The following GOLGA3 variants were observed in gnomAD, a reference collection of about 807,000 sequenced individuals.
GOLGA3 encodes golgin A3.
Under a neutral mutation model 169.4 loss-of-function variants are expected in GOLGA3, and 75 were observed. The observed-to-expected ratio is 0.44, with a 90% CI of 0.37 to 0.54. GOLGA3 has a LOEUF of 0.54. Among genes scored for constraint, GOLGA3 ranks in the 20% least tolerant of loss-of-function variants. The pLI, the probability that GOLGA3 is intolerant of heterozygous loss-of-function variation, is 0.00. For synonymous variants in GOLGA3, 824 were observed against 822.4 expected (o/e 1.00, Z -0.03); for missense variants, 1,899 against 1,930.0 (o/e 0.98, Z 0.30).
rs144612495 is a variant in GOLGA3 at position 132,807,247 on chromosome 12, A to G, written c.1220T>C (p.Met407Thr). The change falls in exon 6 of 24, where the codon ATG becomes ACG. Residue 407 changes from methionine (M) to threonine (T), a missense_variant. Coordinates refer to ENST00000450791, the MANE Select transcript of GOLGA3 (RefSeq NM_001389683.1). ...CATTTTCTCTTTGAGCACCTGCAGC[A>G]TCTCCTCCTGTGTTTCTGCTGCAGA... ...ESSAAETQEE[M>T]LQVLKEKMRL... The G allele has an allele frequency of 5.6e-6, 9 of 1,598,240 alleles. No homozygotes were observed. The highest frequency in any genetic ancestry group is 7.7e-6 in the Non-Finnish European group (9 of 1,171,304).
At chr12:132,786,633 C>T in intron 14 of GOLGA3, 60 bp downstream of exon 14, 2 of 1,051,630 alleles carry the variant, frequency 1.9e-6, no homozygotes, top group Admixed American at 4.6e-5. Context: ...TTCGCCTCCC[C>T]CCCGGCCCCC....
At chr12:132,816,106 G>C (rs956008558) in intron 3 of GOLGA3, among the ~76,000 whole-genome samples, 1 of 152,238 alleles carries the variant, frequency 6.6e-6, no homozygotes, top group Admixed American at 6.5e-5. Context: ...GCCGAGGCAG[G>C]TGAATGGCAT....
intron 15 of GOLGA3, among the ~76,000 whole-genome samples, chr12:132,786,025 G>T (rs1013169648): frequency 6.6e-6 from 1 of 152,224 alleles, no homozygotes; most frequent in Non-Finnish European, 1.5e-5. Context: ...CAGCTGGAAC[G>T]CGAGCGGACC....
intron 22 of GOLGA3, 87 bp from the exon 23 acceptor site, chr12:132,774,407 CCCAACTGGTGGACGTGGGGCCTCT>C: frequency 6.8e-7 from 1 of 1,479,706 alleles, no homozygotes; most frequent in East Asian, 2.3e-5. Context: ...AACGGGCCTC[CCCAACTGGTGGACGTGGGGCCTCT>C]GGGAAGGGGA....
intron 23 of GOLGA3, 58 bp downstream of exon 23, chr12:132,774,099 G>A: frequency 6.9e-7 from 1 of 1,457,604 alleles, no homozygotes; most frequent in Non-Finnish European, 9.2e-7. Flanking sequence ...TGCCCTCCCA[G>A]GTAAGAGGGC....
At position 132,816,737 on chromosome 12, in the gene GOLGA3, C is replaced by T. The variant is rs2291256; in HGVS notation, c.209G>A (p.Gly70Glu). The T allele has an allele frequency of 0.079, 128,290 of 1,613,732 alleles. 5,619 individuals are homozygous for T. Among genetic ancestry groups the T allele is most frequent in the East Asian group, 0.14 (6,475 of 44,860 alleles). Residue 70 changes from glycine (G) to glutamate (E), a missense_variant, in exon 3 of 24, where the codon GGG (glycine) becomes GAG (glutamate). Gly to Glu is a moderately conservative substitution (Grantham distance 98). Coordinates refer to ENST00000450791, the MANE Select transcript of GOLGA3 (RefSeq NM_001389683.1). The stretch of plus-strand genomic sequence containing the variant: ...AGGGTCTGGGAAGGGTGGCGTTGGC[C>T]CGTTCTGACAGAGGCCTCCCTGGCC... Reference protein sequence around the residue: ...GPGQGGLCQNGPTPPFPDPPS... With the variant: ...GPGQGGLCQNEPTPPFPDPPS...
In GOLGA3 at chr12:132,789,223, G is replaced by A. The variant is rs1465269306; in HGVS notation, c.2615C>T (p.Thr872Ile). The stretch of plus-strand genomic sequence containing the variant: ...CAGCTCCGAGTCCAGCCTCTTCCTG[G>A]TGGCTTTCAGCTCACTGATGAGCTG... ...KDQLISELKA[T>I]RKRLDSELKE... The change falls in exon 13 of 24, where the codon ACC (threonine) becomes ATC (isoleucine). Residue 872 changes from threonine (T) to isoleucine (I), a missense_variant. Thr to Ile is a moderately conservative substitution (Grantham distance 89). Transcript: ENST00000450791. The A allele has an allele frequency of 6.2e-7, 1 of 1,609,574 alleles. No individual in the cohort carries two copies. Among genetic ancestry groups the A allele is most frequent in the East Asian group, 2.2e-5 (1 of 44,878 alleles).
rs932558800 is a variant in GOLGA3 at position 132,804,042 on chromosome 12, G to A, written c.1597+674C>T. On this transcript the variant is annotated intron_variant, in intron 7 of 23. Coordinates refer to ENST00000450791, the MANE Select transcript of GOLGA3 (RefSeq NM_001389683.1). The surrounding 1 kb of genome is among the most constrained non-coding windows in gnomAD (Gnocchi z 4.1). ...TGTGAGCTCTGGGACTGGCCCGGGC[G>A]GGGACTGAGGGGGTGGAAGGCGTGC... Among the ~76,000 whole-genome samples the A allele has an allele frequency of 3.9e-5, 6 of 152,182 alleles. No individual in the cohort carries two copies. The highest frequency in any genetic ancestry group is 1.4e-4 in the African/African-American group (6 of 41,452).
Position 132,822,274 on chromosome 12 carries a change from CA to C in GOLGA3, c.-147del. On this transcript the variant is annotated 5_prime_UTR_variant, in exon 2 of 24. The change abolishes the stop of an existing upstream ORF in the 5' untranslated region. Transcript: ENST00000450791. ...TTTCAGGAGAAGATCTGATGACTCA[CA>C]AATGACTTGATGTCAAACCAGCTAA... The C allele has an allele frequency of 7.2e-7, 1 of 1,393,160 alleles. No individual in the cohort carries two copies. The highest frequency in any genetic ancestry group is 1.6e-5 in the South Asian group (1 of 63,632). 86.3% of individuals were successfully genotyped at this position (1,393,160 alleles called of 1,614,324 possible).
rs367672810 is a variant in GOLGA3, at chr12:132,804,822, G to T, written c.1491C>A (p.Ser497Arg). The change falls in exon 7 of 24, where the codon AGC becomes AGA. Residue 497 changes from serine to arginine, a missense_variant. By Grantham distance (110) the Ser-to-Arg change is moderately radical (BLOSUM62 -1). Coordinates refer to ENST00000450791, the MANE Select transcript of GOLGA3 (RefSeq NM_001389683.1). This position sits in a 1 kb window ranked among gnomAD's most constrained non-coding sequence, Gnocchi z 4.1. The part of the protein sequence containing the change: ...LQNMLEAKNA[S>R]LASSNNDLQV... The stretch of plus-strand genomic sequence containing the variant: ...GCAAGTCGTTGTTGGACGACGCCAG[G>T]CTGGCATTTTTTGCCTCCAGCATGT... The T allele has an allele frequency of 4.4e-5, 71 of 1,614,078 alleles. No individual in the cohort carries two copies. The highest frequency in any genetic ancestry group is 5.5e-5 in the Non-Finnish European group (65 of 1,180,034).
chr12:132,806,083 A>G (rs555611504), intron 6 of GOLGA3, among the ~76,000 whole-genome samples: 2 of 152,320 alleles, frequency 1.3e-5, no homozygotes, highest in South Asian at 4.1e-4. Flanking sequence ...TGAGGCCTAC[A>G]GGGGCAGGGA....
In GOLGA3 at chr12:132,773,170, C is replaced by T. The variant is rs113568898; in HGVS notation, c.4432G>A (p.Gly1478Ser). 3.1e-4 allele frequency: 487 copies of T among 1,585,346 alleles called. No homozygotes were observed. The highest frequency in any genetic ancestry group is 2.3e-3 in the African/African-American group (174 of 74,136). ...ASPVPPGGHA[G>S]PRGDPQRHSQ... ...TGTCTCTGTGGGTCGCCGCGTGGGC[C>T]GGCGTGACCCCCCGGGGGCACAGGG... Residue 1478 changes from glycine to serine, a missense_variant, in exon 24 of 24, where the codon GGC (glycine) becomes AGC (serine). Gly to Ser is a moderately conservative substitution (Grantham distance 56). Transcript: ENST00000450791.
chr12:132,777,877 G>A lies in GOLGA3; in HGVS notation c.3583-72C>T. The stretch of plus-strand genomic sequence containing the variant: ...AGCTTTATGACGTGCCGGGCGCAGG[G>A]GGTGAATGCACTCCCGGCCCCGTGC... On this transcript the variant is annotated intron_variant, in intron 18 of 23. Coordinates refer to ENST00000450791, the MANE Select transcript of GOLGA3 (RefSeq NM_001389683.1). The surrounding 1 kb of genome is among the most constrained non-coding windows in gnomAD (Gnocchi z 4.7). The A allele has an allele frequency of 4.5e-6, 7 of 1,540,126 alleles. 1 individual carries two copies. In the South Asian group the frequency reaches 8.4e-5, roughly 18 times the overall value.
At chr12:132,817,245 C>G (rs72488129) in intron 2 of GOLGA3, among the ~76,000 whole-genome samples, 45 of 29,280 alleles carry the variant, frequency 1.5e-3, no homozygotes, top group South Asian at 6.1e-3. Flanking sequence ...CTAAGGTGAA[C>G]CCCCCCTCCA....
chr12:132,770,351 A>G lies in GOLGA3; in HGVS notation c.*2754T>C, dbSNP rs2044844986. ...GCACAAGCCGTGCATGAAAACACCA[A>G]AAGACTCACTGCAGGGAGCAAAGGC... On this transcript the variant is annotated 3_prime_UTR_variant, in exon 24 of 24. Transcript: ENST00000450791. 1 of 150,792 alleles carries G rather than the reference A, an allele frequency of 6.6e-6. No homozygotes were observed. The highest frequency in any genetic ancestry group is 1.5e-5 in the Non-Finnish European group (1 of 68,042). The allele number at this position is 150,792 out of a possible 1,614,324, so 9.3% of individuals were successfully genotyped here. A position where few individuals can be genotyped will look rare whatever the true frequency, so the allele number is the denominator to read the frequency against.
In GOLGA3 at chr12:132,808,127, G is replaced by A. The variant is rs1949513244; in HGVS notation, c.942C>T (p.Asp314=). The A allele has an allele frequency of 6.2e-7, 1 of 1,607,910 alleles. No homozygotes were observed. Among genetic ancestry groups the A allele is most frequent in the Non-Finnish European group, 8.5e-7 (1 of 1,176,076 alleles). Residue 314 remains aspartate (D), a synonymous_variant, in exon 5 of 24, where the codon GAC becomes GAT. Coordinates refer to ENST00000450791, the MANE Select transcript of GOLGA3 (RefSeq NM_001389683.1). ...GDSVSEVDGN[D]SDSSSYSSAS... ...CGCTGCTGTACGATGAGCTGTCGCT[G>A]TCATTTCCATCCACCTCAGACACGC...
At chr12:132,825,705 C>T (rs111238106) in intron 1 of GOLGA3, 12 of 1,352,550 alleles carry the variant, frequency 8.9e-6, no homozygotes, top group Admixed American at 1.7e-5. Flanking sequence ...GGGAAGATGG[C>T]GGACATTCAG....
rs1593261263 is a variant in GOLGA3 at position 132,786,469 on chromosome 12, G to A, written c.2993C>T (p.Ala998Val). 3 of 1,613,756 alleles carry A rather than the reference G, an allele frequency of 1.9e-6. No individual in the cohort carries two copies. The East Asian group carries it at 6.7e-5, about 36-fold the overall frequency. Reference protein sequence around the residue: ...AQKEMKTKHKAYENAVGILSR... With the variant: ...AQKEMKTKHKVYENAVGILSR... ...GAGGATGCCCACGGCGTTCTCGTAGGCCTTATGTTTGGTCTTCATCTCCTT... is the reference window on the plus strand; with the variant it reads ...GAGGATGCCCACGGCGTTCTCGTAGACCTTATGTTTGGTCTTCATCTCCTT... The change falls in exon 15 of 24, where the codon GCC becomes GTC. Residue 998 changes from alanine to valine, a missense_variant. By Grantham distance (64) the Ala-to-Val change is moderately conservative. Coordinates refer to ENST00000450791, the MANE Select transcript of GOLGA3 (RefSeq NM_001389683.1).
chr12:132,813,056 G>C (rs1278232265), intron 4 of GOLGA3, among the ~76,000 whole-genome samples: 1 of 152,214 alleles, frequency 6.6e-6, no homozygotes, highest in Non-Finnish European at 1.5e-5. Flanking sequence ...CAAAAACATT[G>C]TAGGACTTGC....
Sources: allele counts gnomAD v4.1 joint callset (sites outside exome capture counted in the v4.1 genomes callset), GRCh38; gene constraint gnomAD v4.1.1; non-coding constraint Gnocchi (gnomAD v3.1); transcripts MANE v1.5; gene names NCBI Gene and HGNC (gene_info 2026-07-23, HGNC 2026-07-21).